Variants in DCLK2 observed in about 807,000 individuals in gnomAD.
DCLK2 encodes the protein doublecortin like kinase 2.
Under a neutral mutation model 78.4 loss-of-function variants are expected in DCLK2, and 31 were observed. That is an observed-to-expected ratio of 0.40 (90% CI 0.30 to 0.53). The LOEUF (loss-of-function observed/expected upper bound fraction) is 0.53. Among genes scored for constraint, DCLK2 ranks in the 20% least tolerant of loss-of-function variants. The pLI is 0.61. For missense variants in DCLK2, 872 were observed against 973.7 expected (o/e 0.90, Z 1.39); for synonymous variants, 407 against 374.9 (o/e 1.09, Z -0.99).
At chr4:150,127,974 A>G (rs1295572566) in intron 2 of DCLK2, among the ~76,000 whole-genome samples, 1 of 152,248 alleles carries the variant, frequency 6.6e-6, no homozygotes, top group Non-Finnish European at 1.5e-5. Context: ...AAGTGCAATG[A>G]ACTTGGCTCA....
intron 1 of DCLK2, among the ~76,000 whole-genome samples, chr4:150,100,555 G>T (rs1406513572): frequency 6.6e-6 from 1 of 151,956 alleles, no homozygotes; most frequent in Non-Finnish European, 1.5e-5. Context: ...ACCTTCTTTT[G>T]CTAAGATTCT....
intron 2 of DCLK2, among the ~76,000 whole-genome samples, chr4:150,121,967 C>A (rs1359481511): frequency 1.3e-5 from 2 of 152,158 alleles, no homozygotes; most frequent in African/African-American, 4.8e-5. Context: ...TTAAAATATT[C>A]AGTAAACCAT....
At chr4:150,250,709 T>G (rs1318403021) in intron 15 of DCLK2, among the ~76,000 whole-genome samples, 4 of 151,638 alleles carry the variant, frequency 2.6e-5, no homozygotes, top group African/African-American at 9.7e-5. Flanking sequence ...AGGCCTCTCA[T>G]CCTCTGGGAA....
At chr4:150,244,085 C>T (rs1743124839) in intron 12 of DCLK2, among the ~76,000 whole-genome samples, 1 of 151,922 alleles carries the variant, frequency 6.6e-6, no homozygotes, top group Non-Finnish European at 1.5e-5. Flanking sequence ...ATGTGTGCAC[C>T]ACTATATTGC....
intron 15 of DCLK2, among the ~76,000 whole-genome samples, chr4:150,252,128 C>T (rs144269182): frequency 6.6e-6 from 1 of 152,314 alleles, no homozygotes; most frequent in Non-Finnish European, 1.5e-5. Context: ...ACAGCTTAGA[C>T]ACTTTGAAAA....
intron 5 of DCLK2, among the ~76,000 whole-genome samples, chr4:150,205,320 T>C (rs1279002938): frequency 1.3e-5 from 2 of 152,172 alleles, no homozygotes; most frequent in Non-Finnish European, 2.9e-5. Flanking sequence ...TGTATGTCCT[T>C]CAGAGTAGAC....
chr4:150,182,798 A>G (rs1175874681), intron 2 of DCLK2, among the ~76,000 whole-genome samples: 1 of 152,220 alleles, frequency 6.6e-6, no homozygotes, highest in African/African-American at 2.4e-5. Context: ...AGTTTCAAAG[A>G]TAAGCCATTT....
chr4:150,228,754 C>T (rs1741804142), intron 8 of DCLK2, among the ~76,000 whole-genome samples: 2 of 152,104 alleles, frequency 1.3e-5, no homozygotes, highest in Admixed American at 6.5e-5. Flanking sequence ...GGGCCGGGCG[C>T]GGTGGCTCAC....
chr4:150,084,901 G>A (rs141061599), intron 1 of DCLK2, among the ~76,000 whole-genome samples: 115 of 152,126 alleles, frequency 7.6e-4, no homozygotes, highest in Middle Eastern at 3.4e-3. Context: ...TCTTCTACTC[G>A]TAAAGTAAAC....
chr4:150,124,012 C>G (rs1380946692), intron 2 of DCLK2, among the ~76,000 whole-genome samples: 1 of 145,686 alleles, frequency 6.9e-6, no homozygotes, highest in Admixed American at 6.9e-5. Context: ...TGCACTCCAG[C>G]CTGTCTCAAA....
chr4:150,095,698 G>A (rs10004846), intron 1 of DCLK2, among the ~76,000 whole-genome samples: 6,173 of 152,242 alleles, frequency 0.041, 425 homozygotes, highest in African/African-American at 0.14. Context: ...GCCAACCTAA[G>A]TGATTGAACC....
intron 12 of DCLK2, among the ~76,000 whole-genome samples, chr4:150,241,371 G>T (rs1435514655): frequency 6.6e-6 from 1 of 152,082 alleles, no homozygotes; most frequent in Non-Finnish European, 1.5e-5. Context: ...ATGAGTGAGG[G>T]GCTTCAGCCA....
At chr4:150,199,173 G>A in intron 4 of DCLK2, 2 of 1,153,496 alleles carry the variant, frequency 1.7e-6, no homozygotes, top group Non-Finnish European at 2.5e-6. Flanking sequence ...TTCCATGAAT[G>A]TATCTGGCTT....
rs1580557531 is a variant in DCLK2 at position 150,129,575 on chromosome 4, C to A, written c.756+26763C>A. 2.0e-5 allele frequency among the ~76,000 whole-genome samples: 3 copies of A among 151,990 alleles called. No individual in the cohort carries two copies. The East Asian group carries it at 5.8e-4, about 29-fold the overall frequency. On this transcript the variant is annotated intron_variant, in intron 2 of 15. Transcript: ENST00000296550. ...TCTCTACTAAAAATACAAAAATTAG[C>A]TGGGTGTGGTGGCACGTGCCTGTAG...
intron 2 of DCLK2, among the ~76,000 whole-genome samples, chr4:150,120,590 C>G (rs1019264233): frequency 6.6e-6 from 1 of 151,956 alleles, no homozygotes; most frequent in African/African-American, 2.4e-5. Context: ...AGGTTTGGTT[C>G]CACACTGCTG....
At chr4:150,140,752 A>C (rs1734054955) in intron 2 of DCLK2, among the ~76,000 whole-genome samples, 1 of 152,184 alleles carries the variant, frequency 6.6e-6, no homozygotes, top group South Asian at 2.1e-4. Flanking sequence ...GTATTATTTT[A>C]GATATTAAGA....
intron 12 of DCLK2, among the ~76,000 whole-genome samples, chr4:150,241,723 C>A (rs528316138): frequency 1.3e-5 from 2 of 152,284 alleles, no homozygotes; most frequent in African/African-American, 4.8e-5. Flanking sequence ...GATCAAGGTA[C>A]TGCAGATTTG....
intron 2 of DCLK2, among the ~76,000 whole-genome samples, chr4:150,154,342 G>A (rs1735108230): frequency 6.6e-6 from 1 of 152,116 alleles, no homozygotes; most frequent in Non-Finnish European, 1.5e-5. Flanking sequence ...CATTAACACA[G>A]ATGTTTTACC....
chr4:150,078,588 C>T lies in DCLK2; in HGVS notation c.-440C>T, dbSNP rs1456627437. The T allele has an allele frequency of 6.6e-6, 1 of 151,656 alleles. No individual in the cohort carries two copies. The highest frequency in any genetic ancestry group is 1.5e-5 in the Non-Finnish European group (1 of 67,956). The allele number at this position is 151,656 out of a possible 1,614,324, so 9.4% of individuals were successfully genotyped here. A position where few individuals can be genotyped will look rare whatever the true frequency, so the allele number is the denominator to read the frequency against. On this transcript the variant is annotated 5_prime_UTR_variant, in exon 1 of 16. Transcript: ENST00000296550. ...TCCCACGCTCCGCGCCCCGCCCCAC[C>T]CTTCCTTCCTTCCTCCCCTCGGCGC...
Sources: gnomAD v4.1 joint callset for allele counts (sites outside exome capture counted in the v4.1 genomes callset) on GRCh38, gnomAD v4.1.1 for gene constraint, MANE v1.5 for transcripts, NCBI Gene and HGNC (gene_info 2026-07-23, HGNC 2026-07-21) for gene names.